Variants in LPP observed in about 807,000 individuals in gnomAD.
The protein encoded by LPP is LIM domain containing preferred translocation partner in lipoma.
LPP carries 38 observed loss-of-function variants against 60.4 expected under a neutral mutation model. The ratio of observed to expected loss-of-function variants is 0.63; its 90% CI spans 0.49 to 0.83. The LOEUF is 0.83. LPP is among the 40% of genes least tolerant of loss of function. LPP has a pLI of 0.00. For missense variants in LPP, 902 were observed against 783.6 expected, an observed-to-expected ratio of 1.15 and a Z score of -1.80; for synonymous variants, 328 against 290.8, an observed-to-expected ratio of 1.13 and a Z score of -1.30.
intron 5 of LPP, among the ~76,000 whole-genome samples, chr3:188,522,265 C>CT (rs1275981381): frequency 6.6e-6 from 1 of 152,150 alleles, no homozygotes; most frequent in Non-Finnish European, 1.5e-5. Flanking sequence ...TGAAGAAAAT[C>CT]TATCAATTTC....
chr3:188,240,490 T>G (rs577815521), intron 2 of LPP, among the ~76,000 whole-genome samples: 1 of 152,206 alleles, frequency 6.6e-6, no homozygotes, highest in Admixed American at 6.5e-5. Context: ...GAAGGAAGTC[T>G]TATACGTACT....
chr3:188,872,907 C>T (rs1768520051), intron 11 of LPP, 144 bp downstream of exon 11: 1 of 1,049,988 alleles, frequency 9.5e-7, no homozygotes, highest in African/African-American at 1.6e-5. Flanking sequence ...AGATTTGACA[C>T]TAGTATTCCG....
Position 188,297,839 on chromosome 3 carries a change from G to GT in LPP, c.-66-43823dup, listed in dbSNP as rs1448500780. ...TGGTTTTGACATTCAAAGGGATCAG[G>GT]TAGAGGTACTTAGTTGAGCTCACTA... On this transcript the variant is annotated intron_variant, in intron 2 of 11. Coordinates refer to ENST00000617246, the MANE Select transcript of LPP (RefSeq NM_001375462.1). Among the ~76,000 whole-genome samples, 4 of 152,174 alleles carry GT rather than the reference G, an allele frequency of 2.6e-5. No homozygotes were observed. The East Asian group carries it at 5.8e-4, about 22-fold the overall frequency.
chr3:188,634,092 T>C (rs763478718), intron 7 of LPP, among the ~76,000 whole-genome samples: 2 of 152,212 alleles, frequency 1.3e-5, no homozygotes, highest in Non-Finnish European at 2.9e-5. Context: ...TACATAAACC[T>C]TAATAAAAAG....
intron 10 of LPP, among the ~76,000 whole-genome samples, chr3:188,872,104 AC>A (rs1268178436): frequency 2.0e-5 from 3 of 152,186 alleles, no homozygotes; most frequent in Non-Finnish European, 4.4e-5. Flanking sequence ...ATTTAAACGC[AC>A]TAACCTCTGC....
intron 8 of LPP, among the ~76,000 whole-genome samples, chr3:188,713,186 C>T (rs547160158): frequency 2.0e-4 from 31 of 152,268 alleles, no homozygotes; most frequent in African/African-American, 7.5e-4. Flanking sequence ...TCTGCAGCAT[C>T]GTCTAGGCAG....
chr3:188,507,530 T>G (rs2149969334), intron 5 of LPP, among the ~76,000 whole-genome samples: 1 of 152,166 alleles, frequency 6.6e-6, no homozygotes, highest in Admixed American at 6.5e-5. Flanking sequence ...TTCCCGTTTT[T>G]CTCTTGATGA....
At position 188,232,504 on chromosome 3, in the gene LPP, ATTTTTTTTTTT is replaced by A. The variant is rs71634069; in HGVS notation, c.-67+6990_-67+7000del. 4.8e-5 allele frequency among the ~76,000 whole-genome samples: 5 copies of A among 103,236 alleles called. No homozygotes were observed. The East Asian group carries it at 9.5e-4, about 20-fold the overall frequency. The allele number at this position is 103,236 out of a possible 152,430, so 67.7% of individuals were successfully genotyped here. A position where few individuals can be genotyped will look rare whatever the true frequency, so the allele number is the denominator to read the frequency against. On this transcript the variant is annotated intron_variant, in intron 2 of 11. Transcript: ENST00000617246. ...CAGATGCATGCCATCACACCCGGCTATTTTTTTTTTTTTTTTTTTTTTTGTATTTTTAGTAG... is the reference window on the plus strand; with the variant it reads ...CAGATGCATGCCATCACACCCGGCTATTTTTTTTTTTTGTATTTTTAGTAG...
chr3:188,384,311 T>C (rs1777624458), intron 3 of LPP, among the ~76,000 whole-genome samples: 1 of 129,906 alleles, frequency 7.7e-6, no homozygotes. Flanking sequence ...TTTTTAGTTA[T>C]GGTAGTGTAT....
chr3:188,398,774 G>A (rs540417018), intron 3 of LPP, among the ~76,000 whole-genome samples: 91 of 152,320 alleles, frequency 6.0e-4, no homozygotes, highest in African/African-American at 1.8e-3. Flanking sequence ...GACTTACCCC[G>A]TTTGGAAAAG....
At chr3:188,729,450 T>C (rs1719624173) in intron 8 of LPP, among the ~76,000 whole-genome samples, 1 of 152,234 alleles carries the variant, frequency 6.6e-6, no homozygotes, top group Admixed American at 6.5e-5. Flanking sequence ...TTTCTACTGC[T>C]GTATACCACT....
At chr3:188,430,016 G>A (rs1790496143) in intron 4 of LPP, among the ~76,000 whole-genome samples, 1 of 152,116 alleles carries the variant, frequency 6.6e-6, no homozygotes, top group African/African-American at 2.4e-5. Flanking sequence ...AAATAGAAAA[G>A]AACACAGCAT....
intron 3 of LPP, among the ~76,000 whole-genome samples, chr3:188,381,113 G>A (rs1776761716): frequency 6.6e-6 from 1 of 152,132 alleles, no homozygotes; most frequent in African/African-American, 2.4e-5. Context: ...GGGTAGTGGA[G>A]GCCCAGAGAG....
At chr3:188,247,497 A>G (rs6793597) in intron 2 of LPP, among the ~76,000 whole-genome samples, 104,926 of 152,058 alleles carry the variant, frequency 0.69, 37,572 homozygotes, top group African/African-American at 0.89. Flanking sequence ...ATTGAGCAAA[A>G]GTGAGAGATA....
At chr3:188,363,295 A>G (rs1241166342) in intron 3 of LPP, among the ~76,000 whole-genome samples, 1 of 152,212 alleles carries the variant, frequency 6.6e-6, no homozygotes, top group African/African-American at 2.4e-5. Context: ...CGAAGGTACC[A>G]TCAGCATTTC....
At chr3:188,443,520 C>T (rs6444290) in intron 4 of LPP, among the ~76,000 whole-genome samples, 151,436 of 152,368 alleles carry the variant, frequency 0.99, 75,267 homozygotes, top group Middle Eastern at 1. Flanking sequence ...AGAAGCGTAT[C>T]GTAAGTTGTA....
intron 9 of LPP, among the ~76,000 whole-genome samples, chr3:188,862,769 A>AAGAG (rs140796448): frequency 2.7e-5 from 4 of 146,966 alleles, no homozygotes; most frequent in East Asian, 2.0e-4. Context: ...AAGAAAAAGA[A>AAGAG]AGAGAGAGAG....
chr3:188,298,610 C>T (rs1748711752), intron 2 of LPP, among the ~76,000 whole-genome samples: 1 of 152,146 alleles, frequency 6.6e-6, no homozygotes, highest in Non-Finnish European at 1.5e-5. Flanking sequence ...TATCAATTTA[C>T]TTATGGCCTG....
intron 3 of LPP, among the ~76,000 whole-genome samples, chr3:188,399,644 A>T (rs1781774591): frequency 1.3e-5 from 2 of 152,184 alleles, no homozygotes; most frequent in Non-Finnish European, 2.9e-5. Flanking sequence ...GATTAATAGA[A>T]ATGCTCTAAG....
Sources: gnomAD v4.1 joint callset for allele counts (sites outside exome capture counted in the v4.1 genomes callset) on GRCh38, gnomAD v4.1.1 for gene constraint, MANE v1.5 for transcripts, NCBI Gene and HGNC (gene_info 2026-07-23, HGNC 2026-07-21) for gene names.